Variants in KYAT1 observed in about 807,000 individuals in gnomAD.
KYAT1 encodes kynurenine--oxoglutarate transaminase 1.
Under a neutral mutation model 52.4 loss-of-function variants are expected in KYAT1, and 47 were observed. That is an observed-to-expected ratio of 0.90 (90% CI 0.71 to 1.14). The LOEUF (loss-of-function observed/expected upper bound fraction) is 1.14, where lower values mean the gene tolerates loss of function less well. Ranked by LOEUF, KYAT1 falls within the 50% of genes most tolerant of loss-of-function variation. The pLI is 0.00. For synonymous variants in KYAT1, 212 were observed against 209.6 expected (o/e 1.01, Z -0.10); for missense variants, 480 against 557.9 (o/e 0.86, Z 1.41).
intron 1 of KYAT1, among the ~76,000 whole-genome samples, chr9:128,878,255 C>T (rs1838310152): frequency 6.6e-6 from 1 of 152,130 alleles, no homozygotes; most frequent in South Asian, 2.1e-4. Context: ...GTACCTCAGC[C>T]TCCAGAGTAG....
chr9:128,864,158 C>T (rs187244114), intron 1 of KYAT1, among the ~76,000 whole-genome samples: 30 of 151,900 alleles, frequency 2.0e-4, no homozygotes, highest in Middle Eastern at 3.4e-3. Flanking sequence ...GTCAGGAGAT[C>T]GAGACTGTCC....
chr9:128,865,466 G>A (rs1180039556), intron 1 of KYAT1, among the ~76,000 whole-genome samples: 19 of 146,270 alleles, frequency 1.3e-4, no homozygotes, highest in Admixed American at 4.1e-4. Flanking sequence ...GGGTTCAAGC[G>A]ATTCTCGTGC....
At chr9:128,840,782 C>A (rs1832017222) in intron 3 of KYAT1, 1 of 307,918 alleles carries the variant, frequency 3.2e-6, no homozygotes, top group Non-Finnish European at 6.5e-6. Flanking sequence ...CCTCAAACTC[C>A]TGGGCTCAAA....
intron 1 of KYAT1, among the ~76,000 whole-genome samples, chr9:128,851,914 C>T (rs1834002853): frequency 6.6e-6 from 1 of 152,122 alleles, no homozygotes; most frequent in Non-Finnish European, 1.5e-5. Flanking sequence ...CAATGGCCAC[C>T]TCCTCCTCAG....
chr9:128,837,520 T>C (rs187019919), intron 6 of KYAT1, among the ~76,000 whole-genome samples, 165 bp downstream of exon 6: 4 of 152,342 alleles, frequency 2.6e-5, no homozygotes, highest in East Asian at 1.9e-4. Flanking sequence ...CTGGGGATTC[T>C]TGCCCCTGTC....
intron 3 of KYAT1, among the ~76,000 whole-genome samples, chr9:128,841,694 C>A (rs1393303449): frequency 1.3e-3 from 142 of 105,840 alleles, no homozygotes; most frequent in Admixed American, 1.4e-3. Context: ...GACTCCATCT[C>A]AAAAAAAAAA....
At chr9:128,858,472 C>A (rs1242752823) in intron 1 of KYAT1, among the ~76,000 whole-genome samples, 1 of 135,924 alleles carries the variant, frequency 7.4e-6, no homozygotes, top group South Asian at 2.4e-4. Context: ...CCAAGGCGGG[C>A]AGATCACCTA....
intron 1 of KYAT1, among the ~76,000 whole-genome samples, chr9:128,853,581 CAACA>C (rs1185446078): frequency 6.6e-6 from 1 of 152,164 alleles, no homozygotes; most frequent in Non-Finnish European, 1.5e-5. Flanking sequence ...TAATTCGTTA[CAACA>C]AACTGTAAGA....
At position 128,835,768 on chromosome 9, in the gene KYAT1, C is replaced by T. The variant is rs1489417833; in HGVS notation, c.855+11G>A. On this transcript the variant is annotated intron_variant, in intron 9 of 12. Coordinates refer to ENST00000302586, the MANE Select transcript of KYAT1 (RefSeq NM_004059.5). ...CCCCCCACTCCCCCGTGACGTCCTGCCCCTCTTCACCTGGCTCTGCGTGGG... is the reference window on the plus strand; with the variant it reads ...CCCCCCACTCCCCCGTGACGTCCTGTCCCTCTTCACCTGGCTCTGCGTGGG... 1 of 1,610,712 alleles carries T rather than the reference C, an allele frequency of 6.2e-7. No individual in the cohort carries two copies.
chr9:128,882,407 C>T (rs1467366396), upstream of KYAT1: 3 of 287,312 alleles, frequency 1.0e-5, no homozygotes, highest in African/African-American at 2.2e-5. Context: ...TTCGGCCTAC[C>T]TCTGGGCTCC....
At chr9:128,872,773 A>G (rs545368871) in intron 1 of KYAT1, among the ~76,000 whole-genome samples, 1 of 148,778 alleles carries the variant, frequency 6.7e-6, no homozygotes, top group East Asian at 2.0e-4. Flanking sequence ...GTCTCAAAAG[A>G]AAAAAAAAGA....
chr9:128,867,642 C>T (rs1836593562), intron 1 of KYAT1, among the ~76,000 whole-genome samples: 2 of 152,178 alleles, frequency 1.3e-5, no homozygotes, highest in South Asian at 2.1e-4. Flanking sequence ...TGTATCACTG[C>T]GTGGTTTAAC....
chr9:128,840,667 A>G, intron 3 of KYAT1: 1 of 445,478 alleles, frequency 2.2e-6, no homozygotes, highest in South Asian at 1.7e-5. Context: ...CAGCTCTGAG[A>G]CCAGCCTATT....
intron 1 of KYAT1, among the ~76,000 whole-genome samples, chr9:128,874,313 AT>A (rs1165833522): frequency 6.7e-6 from 1 of 149,698 alleles, no homozygotes; most frequent in Non-Finnish European, 1.5e-5. Flanking sequence ...CAGTGGTTTA[AT>A]TTAGGATACA....
chr9:128,867,417 A>T (rs980754699), intron 1 of KYAT1, among the ~76,000 whole-genome samples: 3 of 152,114 alleles, frequency 2.0e-5, no homozygotes, highest in African/African-American at 7.2e-5. Flanking sequence ...GGGCTCAAGC[A>T]GTTCTCCTAC....
chr9:128,838,649 C>A (rs149818949), intron 3 of KYAT1, among the ~76,000 whole-genome samples: 1 of 152,330 alleles, frequency 6.6e-6, no homozygotes, highest in East Asian at 1.9e-4. Context: ...GTCACACAAT[C>A]TATATGGTCC....
chr9:128,871,738 G>A (rs1285913212), intron 1 of KYAT1, among the ~76,000 whole-genome samples: 1 of 152,026 alleles, frequency 6.6e-6, no homozygotes, highest in Non-Finnish European at 1.5e-5. Context: ...CAATTGTGGA[G>A]ATACATATGT....
chr9:128,865,308 C>CAT (rs869044608), intron 1 of KYAT1, among the ~76,000 whole-genome samples: 10 of 36,946 alleles, frequency 2.7e-4, no homozygotes, highest in African/African-American at 3.5e-4. Flanking sequence ...GCAGAGCCTA[C>CAT]ATATATATAT....
intron 1 of KYAT1, among the ~76,000 whole-genome samples, chr9:128,861,950 ACTT>A (rs1386174377): frequency 2.0e-5 from 3 of 152,108 alleles, no homozygotes; most frequent in Non-Finnish European, 2.9e-5. Context: ...ACATCTTGCT[ACTT>A]CTTCTAGGAC....
Sources: allele counts gnomAD v4.1 joint callset (sites outside exome capture counted in the v4.1 genomes callset), GRCh38; gene constraint gnomAD v4.1.1; transcripts MANE v1.5; gene names NCBI Gene and HGNC (gene_info 2026-07-23, HGNC 2026-07-21).